The following MTCH2 variants were observed in gnomAD, a reference collection of about 807,000 sequenced individuals.
The protein encoded by MTCH2 is mitochondrial carrier 2.
In MTCH2, 25 loss-of-function variants were observed where a neutral mutation model predicts 50.6. The observed-to-expected ratio is 0.49, with a 90% CI of 0.36 to 0.69. The LOEUF (loss-of-function observed/expected upper bound fraction) is 0.69. Among genes scored for constraint, MTCH2 ranks in the 30% least tolerant of loss-of-function variants. The pLI is 0.00. For missense variants in MTCH2, 273 were observed against 384.4 expected (o/e 0.71, Z 2.42); for synonymous variants, 106 against 132.0 (o/e 0.80, Z 1.35).
chr11:47,620,112 C>CAAACAAA (rs1191362778), intron 12 of MTCH2, among the ~76,000 whole-genome samples: 1 of 151,038 alleles, frequency 6.6e-6, no homozygotes, highest in Non-Finnish European at 1.5e-5. Context: ...AAAAAACAAA[C>CAAACAAA]AAACAAAAAA....
chr11:47,610,291 C>T, the MTCH2 span, among the ~76,000 whole-genome samples: 232 of 152,308 alleles, frequency 1.5e-3, no homozygotes, highest in Non-Finnish European at 2.0e-3. Flanking sequence ...CCTTTACTAA[C>T]GCCGTAACTT....
Position 47,627,232 on chromosome 11 carries a change from C to T in MTCH2, c.634-105G>A, listed in dbSNP as rs573202723. The T allele has an allele frequency of 2.3e-4, 190 of 809,000 alleles. 1 individual carries two copies. The South Asian group carries it at 3.7e-3, about 16-fold the overall frequency. The allele number at this position is 809,000 out of a possible 1,614,324, so 50.1% of individuals were successfully genotyped here. On this transcript the variant is annotated intron_variant, in intron 9 of 12. Transcript: ENST00000302503. ...TTTTCTTTTTTTCTTTCAGACAGTGCCTCACTCTGTCACCCAGGCTGAAGT... is the reference window on the plus strand; with the variant it reads ...TTTTCTTTTTTTCTTTCAGACAGTGTCTCACTCTGTCACCCAGGCTGAAGT...
downstream of MTCH2, among the ~76,000 whole-genome samples, chr11:47,614,488 G>T (rs1368500232): frequency 1.3e-5 from 2 of 151,638 alleles, no homozygotes; most frequent in Non-Finnish European, 2.9e-5. Flanking sequence ...TTTTTTTTGA[G>T]ACGGAGTTTT....
chr11:47,621,684 C>T (rs1366638336), intron 12 of MTCH2, among the ~76,000 whole-genome samples: 1 of 152,148 alleles, frequency 6.6e-6, no homozygotes, highest in Non-Finnish European at 1.5e-5. Flanking sequence ...ATCTGCCCGC[C>T]TTGGCCTCCC....
At position 47,638,977 on chromosome 11, in the gene MTCH2, G is replaced by T. The variant is rs2097311477; in HGVS notation, c.162C>A (p.Leu54=). 6.2e-7 allele frequency: 1 copy of T among 1,612,970 alleles called. No homozygotes were observed. The highest frequency in any genetic ancestry group is 1.3e-5 in the African/African-American group (1 of 74,860). The change falls in exon 2 of 13, where the codon CTC becomes CTA. Residue 54 remains leucine, a synonymous_variant. Coordinates refer to ENST00000302503, the MANE Select transcript of MTCH2 (RefSeq NM_014342.4). The part of the protein sequence containing the change: ...FGRQVCQLPG[L]FSYAQHIASI... ...ATCAAAGGCACTTACCATAACTAAA[G>T]AGACCAGGAAGCTGACACACTTGCC...
chr11:47,606,425 C>T, the MTCH2 span, among the ~76,000 whole-genome samples: 4 of 152,170 alleles, frequency 2.6e-5, no homozygotes, highest in Non-Finnish European at 5.9e-5. Flanking sequence ...CAGTTTATCA[C>T]GGACTTCACC....
the MTCH2 span, among the ~76,000 whole-genome samples, chr11:47,608,728 G>A: frequency 6.6e-6 from 1 of 152,048 alleles, no homozygotes; most frequent in African/African-American, 2.4e-5. Flanking sequence ...GGAGGCTGAG[G>A]CAGGCAGATC....
chr11:47,634,829 G>A (rs2097307061), intron 4 of MTCH2, 95 bp from the exon 5 acceptor site: 1 of 811,346 alleles, frequency 1.2e-6, no homozygotes, highest in South Asian at 1.7e-5. Context: ...CTGGAGTGCA[G>A]TGGCACAATC....
chr11:47,627,555 G>A lies in MTCH2; in HGVS notation c.634-428C>T, dbSNP rs575848957. Among the ~76,000 whole-genome samples the A allele has an allele frequency of 2.0e-5, 3 of 152,200 alleles. No individual in the cohort carries two copies. In the South Asian group the frequency reaches 6.2e-4, roughly 32 times the overall value. ...TCCTGAGTCGCTGGAATCATAGGCT[G>A]GAGCTACTGTGCCTTGCTCTCCATG... On this transcript the variant is annotated intron_variant, in intron 9 of 12. Coordinates refer to ENST00000302503, the MANE Select transcript of MTCH2 (RefSeq NM_014342.4).
the MTCH2 span, among the ~76,000 whole-genome samples, chr11:47,605,179 C>T: frequency 6.6e-6 from 1 of 152,170 alleles, no homozygotes; most frequent in Non-Finnish European, 1.5e-5. Flanking sequence ...CCGCCCGCCT[C>T]GGCCTCCCAA....
intron 12 of MTCH2, among the ~76,000 whole-genome samples, chr11:47,620,924 A>G (rs922017296): frequency 5.9e-5 from 9 of 152,196 alleles, no homozygotes; most frequent in Admixed American, 3.3e-4. Flanking sequence ...TAAATGCCCA[A>G]TCAAGATTTG....
rs1324743577 is a variant in MTCH2 at position 47,617,447 on chromosome 11, AAAGG to A, written c.*1382_*1385del. 4 of 152,364 alleles carry A rather than the reference AAAGG, an allele frequency of 2.6e-5. No homozygotes were observed. The highest frequency in any genetic ancestry group is 5.9e-5 in the Non-Finnish European group (4 of 68,044). The allele number at this position is 152,364 out of a possible 1,614,324, so 9.4% of individuals were successfully genotyped here. A position where few individuals can be genotyped will look rare whatever the true frequency, so the allele number is the denominator to read the frequency against. Reference sequence around the variant, plus strand: ...TAAAATTGACATTACTTTTTGAGACAAAGGAAGAGACATCAAAGACATTTTAAGC... The same window carrying A: ...TAAAATTGACATTACTTTTTGAGACAAAGAGACATCAAAGACATTTTAAGC... On this transcript the variant is annotated 3_prime_UTR_variant, in exon 13 of 13. Transcript: ENST00000302503.
At chr11:47,640,452 T>C (rs2097313017) in intron 1 of MTCH2, among the ~76,000 whole-genome samples, 1 of 152,206 alleles carries the variant, frequency 6.6e-6, no homozygotes, top group Non-Finnish European at 1.5e-5. Flanking sequence ...GTTTCGCTCT[T>C]GTCGCCCAGG....
At chr11:47,627,812 C>A (rs544848045) in intron 9 of MTCH2, among the ~76,000 whole-genome samples, 3 of 151,924 alleles carry the variant, frequency 2.0e-5, no homozygotes, top group Non-Finnish European at 2.9e-5. Context: ...GAGGACAAAA[C>A]CATAAAACAC....
intron 4 of MTCH2, among the ~76,000 whole-genome samples, chr11:47,635,057 G>A (rs1368453982): frequency 6.6e-6 from 1 of 152,106 alleles, no homozygotes; most frequent in African/African-American, 2.4e-5. Context: ...ACAGGCATGA[G>A]CCACCATGGG....
At chr11:47,626,347 T>TC (rs2097298178) in intron 10 of MTCH2, among the ~76,000 whole-genome samples, 1 of 150,554 alleles carries the variant, frequency 6.6e-6, no homozygotes, top group Admixed American at 6.6e-5. Context: ...TTTTTTTTTT[T>TC]CACTTTTGTA....
At chr11:47,631,919 T>C (rs891520438) in intron 5 of MTCH2, among the ~76,000 whole-genome samples, 17 of 152,182 alleles carry the variant, frequency 1.1e-4, no homozygotes, top group African/African-American at 4.1e-4. Context: ...TGGATCTCAA[T>C]GTTCTATTAT....
At chr11:47,631,785 G>A in intron 5 of MTCH2, 74 bp from the exon 6 acceptor site, 2 of 1,500,242 alleles carry the variant, frequency 1.3e-6, no homozygotes, top group East Asian at 2.3e-5. Context: ...GAATGTGGGT[G>A]GATATCGTGG....
At chr11:47,642,316 C>T (rs2097315055) in intron 1 of MTCH2, 63 bp downstream of exon 1, 13 of 1,369,440 alleles carry the variant, frequency 9.5e-6, no homozygotes, top group Non-Finnish European at 1.3e-5. Flanking sequence ...GATCCTCAGG[C>T]GCCCTGAGCA....
Sources: gnomAD v4.1 joint callset for allele counts (sites outside exome capture counted in the v4.1 genomes callset) on GRCh38, gnomAD v4.1.1 for gene constraint, MANE v1.5 for transcripts, NCBI Gene and HGNC (gene_info 2026-07-23, HGNC 2026-07-21) for gene names.